Variants in PTPRG observed in about 807,000 individuals in gnomAD.
PTPRG encodes the protein receptor-type tyrosine-protein phosphatase gamma.
Under a neutral mutation model 165.3 loss-of-function variants are expected in PTPRG, and 102 were observed. The ratio of observed to expected loss-of-function variants is 0.62; its 90% CI spans 0.53 to 0.73. PTPRG has a LOEUF of 0.73. PTPRG is among the 30% of genes least tolerant of loss of function. The pLI is 0.00. For synonymous variants in PTPRG, 675 were observed against 669.5 expected (o/e 1.01, Z -0.13); for missense variants, 1,866 against 1,861.4 (o/e 1.00, Z -0.05).
At chr3:61,841,881 A>T (rs622358) in intron 2 of PTPRG, among the ~76,000 whole-genome samples, 64,069 of 151,988 alleles carry the variant, frequency 0.42, 14,658 homozygotes, top group East Asian at 0.63. Context: ...TAAGAGTTAA[A>T]AATTTCAGGC....
intron 1 of PTPRG, among the ~76,000 whole-genome samples, chr3:61,684,869 G>A (rs1244467770): frequency 1.3e-5 from 2 of 152,132 alleles, no homozygotes; most frequent in Admixed American, 1.3e-4. Context: ...ACCAATATGG[G>A]GTGGTGAAGA....
intron 2 of PTPRG, among the ~76,000 whole-genome samples, chr3:61,813,929 G>A (rs2035676074): frequency 7.1e-6 from 1 of 139,956 alleles, no homozygotes; most frequent in Admixed American, 7.5e-5. Flanking sequence ...GTCTCGCTCT[G>A]TCACCACCCA....
In PTPRG at chr3:62,219,109, GC is replaced by G; in HGVS notation, c.2288+128del. 7.6e-7 allele frequency: 1 copy of G among 1,318,862 alleles called. No homozygotes were observed. The highest frequency in any genetic ancestry group is 1.0e-6 in the Non-Finnish European group (1 of 966,250). 81.7% of individuals were successfully genotyped at this position (1,318,862 alleles called of 1,614,324 possible). On this transcript the variant is annotated intron_variant, in intron 13 of 29. Coordinates refer to ENST00000474889, the MANE Select transcript of PTPRG (RefSeq NM_002841.4). The surrounding 1 kb of genome is among the most constrained non-coding windows in gnomAD (Gnocchi z 4.5). ...AGGTAGCTTAAGTGTTTCTGGTCTT[GC>G]CACCCGGAAGGCCATCTTGTCTCTG...
intron 2 of PTPRG, among the ~76,000 whole-genome samples, chr3:61,795,738 G>A (rs1447106021): frequency 6.6e-6 from 1 of 150,952 alleles, no homozygotes; most frequent in Non-Finnish European, 1.5e-5. Context: ...GTTGGCATAA[G>A]TGCTTAGTAT....
At chr3:61,820,604 T>G (rs1354191205) in intron 2 of PTPRG, among the ~76,000 whole-genome samples, 8 of 21,552 alleles carry the variant, frequency 3.7e-4, no homozygotes, top group South Asian at 1.1e-3. Flanking sequence ...TGTGTCTCTG[T>G]TTTTTTTTTT....
At chr3:61,634,645 A>G (rs1197122764) in intron 1 of PTPRG, among the ~76,000 whole-genome samples, 5 of 152,146 alleles carry the variant, frequency 3.3e-5, no homozygotes, top group Non-Finnish European at 7.4e-5. Context: ...TAAAGCAGGT[A>G]GCAGGACAGA....
intron 16 of PTPRG, among the ~76,000 whole-genome samples, chr3:62,256,126 A>AATG (rs749784550): frequency 3.9e-5 from 6 of 152,202 alleles, no homozygotes; most frequent in Admixed American, 1.3e-4. Context: ...TTAAAATGGA[A>AATG]ATGATGATGA....
At chr3:62,290,051 C>G (rs993803091) in intron 28 of PTPRG, among the ~76,000 whole-genome samples, 3 of 152,042 alleles carry the variant, frequency 2.0e-5, no homozygotes, top group Non-Finnish European at 4.4e-5. Context: ...ATGTGAAAAT[C>G]AGTAACCTTC....
chr3:61,670,281 G>A (rs1410977459), intron 1 of PTPRG, among the ~76,000 whole-genome samples: 2 of 152,164 alleles, frequency 1.3e-5, no homozygotes, highest in Non-Finnish European at 1.5e-5. Flanking sequence ...CGAAAAATCA[G>A]GTTCTTTTTG....
In PTPRG at chr3:62,292,506, C is replaced by CAGGTTGCA. The variant is rs1444452935; in HGVS notation, c.4143_4150dup (p.Lys1384ArgfsTer5). 6.2e-7 allele frequency: 1 copy of CAGGTTGCA among 1,613,392 alleles called. No homozygotes were observed. The highest frequency in any genetic ancestry group is 8.5e-7 in the Non-Finnish European group (1 of 1,179,700). The stretch of plus-strand genomic sequence containing the variant: ...GAATGAAAATGCTGTGGATGTTTTC[C>CAGGTTGCA]AGGTTGCAAAAATGATCAATCTTAT... On this transcript the variant is annotated frameshift_variant, in exon 29 of 30. Transcript: ENST00000474889. LOFTEE classifies it high-confidence loss of function.
chr3:61,953,875 C>A (rs78191482), intron 2 of PTPRG, among the ~76,000 whole-genome samples: 3 of 9,496 alleles, frequency 3.2e-4, no homozygotes, highest in African/African-American at 7.0e-4. Context: ...TGCTGCTGTA[C>A]AATCTGCTGC....
intron 12 of PTPRG, among the ~76,000 whole-genome samples, chr3:62,208,378 A>G (rs1227892103): frequency 6.6e-6 from 1 of 152,234 alleles, no homozygotes; most frequent in Admixed American, 6.5e-5. Flanking sequence ...AGTGGGCATC[A>G]TCTACAAATT....
rs1252967774 is a variant in PTPRG at position 62,140,740 on chromosome 3, A to C, written c.682+8072A>C. Among the ~76,000 whole-genome samples, 4 of 151,630 alleles carry C rather than the reference A, an allele frequency of 2.6e-5. No individual in the cohort carries two copies. The South Asian group carries it at 8.4e-4, about 32-fold the overall frequency. ...TATGCGCCTGTAGTCCCAGCTACTC[A>C]GGAGACTGAGGCAGGAGAATCACTT... On this transcript the variant is annotated intron_variant, in intron 6 of 29. Transcript: ENST00000474889.
At chr3:61,619,147 A>G (rs1226534235) in intron 1 of PTPRG, among the ~76,000 whole-genome samples, 1 of 151,950 alleles carries the variant, frequency 6.6e-6, no homozygotes, top group Non-Finnish European at 1.5e-5. Context: ...AAACAGTAAG[A>G]CCCTGTCTCA....
intron 3 of PTPRG, among the ~76,000 whole-genome samples, chr3:61,995,254 C>A (rs1415216758): frequency 6.6e-6 from 1 of 151,698 alleles, no homozygotes; most frequent in African/African-American, 2.4e-5. Context: ...AAGCCAAGTT[C>A]ATTTTTGTAT....
At chr3:62,053,919 C>T (rs1409098444) in intron 4 of PTPRG, among the ~76,000 whole-genome samples, 1 of 152,154 alleles carries the variant, frequency 6.6e-6, no homozygotes, top group African/African-American at 2.4e-5. Flanking sequence ...GAGGTATAGC[C>T]TACATACGGT....
intron 26 of PTPRG, among the ~76,000 whole-genome samples, chr3:62,278,729 G>A (rs1236388561): frequency 6.6e-6 from 1 of 152,040 alleles, no homozygotes. Context: ...GACTGCTTCT[G>A]TATGATGGAA....
chr3:62,153,748 C>G (rs566085131), intron 6 of PTPRG, among the ~76,000 whole-genome samples: 1 of 152,192 alleles, frequency 6.6e-6, no homozygotes, highest in Non-Finnish European at 1.5e-5. Context: ...ATAATCTTCA[C>G]TACTGCAGCC....
At chr3:61,654,752 G>C (rs1702461689) in intron 1 of PTPRG, among the ~76,000 whole-genome samples, 1 of 149,060 alleles carries the variant, frequency 6.7e-6, no homozygotes, top group Non-Finnish European at 1.5e-5. Context: ...CTTCTATGCT[G>C]CTGACAAAGG....
Sources: allele counts gnomAD v4.1 joint callset (sites outside exome capture counted in the v4.1 genomes callset), GRCh38; gene constraint gnomAD v4.1.1; non-coding constraint Gnocchi (gnomAD v3.1); transcripts MANE v1.5; gene names NCBI Gene and HGNC (gene_info 2026-07-23, HGNC 2026-07-21).